THSD7B: variants seen among roughly 807,000 people sequenced by gnomAD.
THSD7B encodes the protein thrombospondin type-1 domain-containing protein 7B.
Under a neutral mutation model 213.6 loss-of-function variants are expected in THSD7B, and 138 were observed. The observed-to-expected ratio is 0.65, with a 90% CI of 0.56 to 0.74. THSD7B has a LOEUF of 0.74. Ranked by LOEUF, THSD7B falls within the 30% of genes least tolerant of loss-of-function variation. The pLI is 0.00. For missense variants in THSD7B, 1,931 were observed against 1,991.5 expected (o/e 0.97, Z 0.58); for synonymous variants, 742 against 687.0 (o/e 1.08, Z -1.25).
intron 7 of THSD7B, among the ~76,000 whole-genome samples, chr2:137,172,379 G>A (rs1680269767): frequency 6.6e-6 from 1 of 152,158 alleles, no homozygotes; most frequent in Admixed American, 6.6e-5. Context: ...TCACCCACTG[G>A]AAACAAGAGA....
intron 3 of THSD7B, among the ~76,000 whole-genome samples, chr2:137,067,615 A>G (rs1687405612): frequency 6.6e-6 from 1 of 152,044 alleles, no homozygotes; most frequent in Non-Finnish European, 1.5e-5. Context: ...AAGCCTATTA[A>G]GCCTGTTTGT....
chr2:137,200,149 T>C (rs969140376), intron 7 of THSD7B, among the ~76,000 whole-genome samples: 6 of 152,208 alleles, frequency 3.9e-5, no homozygotes, highest in African/African-American at 1.2e-4. Flanking sequence ...TTCAGAAATA[T>C]AGATTTCTTT....
intron 3 of THSD7B, among the ~76,000 whole-genome samples, chr2:137,060,497 A>T (rs570101835): frequency 2.6e-5 from 4 of 151,520 alleles, no homozygotes; most frequent in Admixed American, 6.6e-5. Context: ...TTTGTTTATT[A>T]TATTTAGGTC....
chr2:137,624,702 C>T (rs1682590063), intron 20 of THSD7B, among the ~76,000 whole-genome samples: 1 of 152,190 alleles, frequency 6.6e-6, no homozygotes, highest in Non-Finnish European at 1.5e-5. Flanking sequence ...GATATTTATG[C>T]AGCCAACAGA....
intron 3 of THSD7B, among the ~76,000 whole-genome samples, chr2:137,078,702 CATTT>C (rs944207963): frequency 6.6e-5 from 10 of 151,596 alleles, no homozygotes; most frequent in Admixed American, 5.3e-4. Context: ...AAATTTAATT[CATTT>C]ATTTTCGTGT....
intron 4 of THSD7B, among the ~76,000 whole-genome samples, chr2:137,100,829 A>G (rs1462300747): frequency 6.6e-6 from 1 of 152,188 alleles, no homozygotes; most frequent in African/African-American, 2.4e-5. Context: ...CACCCAGGAC[A>G]AGATGGACCC....
intron 20 of THSD7B, among the ~76,000 whole-genome samples, chr2:137,630,505 GTAGA>G (rs1395595644): frequency 6.6e-6 from 1 of 152,096 alleles, no homozygotes; most frequent in Non-Finnish European, 1.5e-5. Flanking sequence ...CACACCTGTG[GTAGA>G]TAGTAATATT....
At chr2:136,888,817 G>A (rs1683765395) in intron 2 of THSD7B, among the ~76,000 whole-genome samples, 3 of 151,880 alleles carry the variant, frequency 2.0e-5, no homozygotes. Flanking sequence ...CTGAGGACAG[G>A]GCATTTTGCT....
intron 6 of THSD7B, among the ~76,000 whole-genome samples, chr2:137,161,614 G>A (rs1388572894): frequency 1.3e-5 from 2 of 152,170 alleles, no homozygotes; most frequent in East Asian, 1.9e-4. Context: ...GCAGGTGGAA[G>A]CTAACTTTCA....
At chr2:137,197,228 G>A (rs1325858676) in intron 7 of THSD7B, among the ~76,000 whole-genome samples, 1 of 152,110 alleles carries the variant, frequency 6.6e-6, no homozygotes, top group Admixed American at 6.6e-5. Flanking sequence ...GAAATTAGGC[G>A]ACAGCATTAT....
At chr2:137,257,241 G>A (rs536980281) in intron 10 of THSD7B, among the ~76,000 whole-genome samples, 3 of 152,282 alleles carry the variant, frequency 2.0e-5, no homozygotes, top group African/African-American at 4.8e-5. Context: ...ATCATAACTC[G>A]ATAGTGTTTA....
chr2:137,068,925 A>G (rs940875349), intron 3 of THSD7B, among the ~76,000 whole-genome samples: 4 of 152,100 alleles, frequency 2.6e-5, no homozygotes, highest in Admixed American at 6.6e-5. Flanking sequence ...AATCTAGGAC[A>G]CGACAGAGCT....
intron 12 of THSD7B, among the ~76,000 whole-genome samples, chr2:137,396,477 AG>A (rs1686191653): frequency 6.8e-6 from 1 of 147,036 alleles, no homozygotes; most frequent in Non-Finnish European, 1.5e-5. Context: ...AGCGGTTTTG[AG>A]TGAGATTCTT....
chr2:137,225,588 A>C (rs12691913), intron 7 of THSD7B, among the ~76,000 whole-genome samples: 61,941 of 151,968 alleles, frequency 0.41, 12,750 homozygotes, highest in Middle Eastern at 0.49. Context: ...TAACTTCTTC[A>C]TGCCTCAGGT....
chr2:137,081,252 G>T (rs1272313303), intron 3 of THSD7B, among the ~76,000 whole-genome samples: 1 of 151,908 alleles, frequency 6.6e-6, no homozygotes, highest in African/African-American at 2.4e-5. Context: ...TCTTTATTTT[G>T]GGGGAATTTG....
At chr2:136,900,851 C>T (rs1370164939) in intron 2 of THSD7B, among the ~76,000 whole-genome samples, 5 of 152,060 alleles carry the variant, frequency 3.3e-5, no homozygotes, top group African/African-American at 9.7e-5. Flanking sequence ...TAGCATGGAG[C>T]TTGAAGTCAA....
Position 136,841,787 on chromosome 2 carries a change from T to C in THSD7B, c.-35-40357T>C, listed in dbSNP as rs566034412. Among the ~76,000 whole-genome samples, 29 of 152,238 alleles carry C rather than the reference T, an allele frequency of 1.9e-4. No homozygotes were observed. The South Asian group carries it at 3.7e-3, about 20-fold the overall frequency. On this transcript the variant is annotated intron_variant, in intron 1 of 27. Coordinates refer to ENST00000409968, the MANE Select transcript of THSD7B (RefSeq NM_001316349.2). The stretch of plus-strand genomic sequence containing the variant: ...AGAATACACAGCTGGGTGTATCTTC[T>C]AGATGGTTGCTTACGAATCTGGATC...
chr2:137,487,374 CAAAAA>C (rs35759254), intron 15 of THSD7B, among the ~76,000 whole-genome samples: 7 of 33,164 alleles, frequency 2.1e-4, no homozygotes, highest in Admixed American at 5.1e-4. Context: ...GACTCCGTCT[CAAAAA>C]AAAAAAAAAA....
chr2:137,572,451 C>G lies in THSD7B; in HGVS notation c.3318C>G (p.Asn1106Lys). 6.2e-7 allele frequency: 1 copy of G among 1,613,902 alleles called. No individual in the cohort carries two copies. Among genetic ancestry groups the G allele is most frequent in the Non-Finnish European group, 8.5e-7 (1 of 1,179,848 alleles). ...ADGEGGAVDS[N>K]LCNQDEIPPE... Reference sequence around the variant, plus strand: ...GTGAAGGTGGAGCAGTGGATAGCAACCTGTGCAACCAGGATGAAATTCCCC... The same window carrying G: ...GTGAAGGTGGAGCAGTGGATAGCAAGCTGTGCAACCAGGATGAAATTCCCC... Residue 1106 changes from asparagine (N) to lysine (K), a missense_variant, in exon 17 of 28, where the codon AAC becomes AAG. Coordinates refer to ENST00000409968, the MANE Select transcript of THSD7B (RefSeq NM_001316349.2).
Sources: gnomAD v4.1 joint callset for allele counts (sites outside exome capture counted in the v4.1 genomes callset) on GRCh38, gnomAD v4.1.1 for gene constraint, MANE v1.5 for transcripts, NCBI Gene and HGNC (gene_info 2026-07-23, HGNC 2026-07-21) for gene names.